C1QTNF3: variants seen among roughly 807,000 people sequenced by gnomAD.
C1QTNF3 encodes the protein complement C1q tumor necrosis factor-related protein 3.
In C1QTNF3, 26 loss-of-function variants were observed where a neutral mutation model predicts 32.6. That is an observed-to-expected ratio of 0.80 (90% CI 0.58 to 1.11). C1QTNF3 has a LOEUF of 1.11. Ranked by LOEUF, C1QTNF3 falls within the 50% of genes least tolerant of loss-of-function variation. The probability of loss-of-function intolerance (pLI) is 0.00; values close to 1 mark genes in which losing one functional copy is unlikely to be tolerated. For synonymous variants in C1QTNF3, 155 were observed against 146.0 expected, an observed-to-expected ratio of 1.06 and a Z score of -0.44; for missense variants, 362 against 398.2, an observed-to-expected ratio of 0.91 and a Z score of 0.77.
the C1QTNF3 span, among the ~76,000 whole-genome samples, chr5:34,078,724 C>CA: frequency 6.6e-6 from 1 of 151,620 alleles, no homozygotes; most frequent in African/African-American, 2.4e-5. The surrounding 1 kb of genome is among the most constrained non-coding windows in gnomAD (Gnocchi z 4.0). Context: ...GAACTGTAGG[C>CA]ACTCCCCTCT....
the C1QTNF3 span, among the ~76,000 whole-genome samples, chr5:34,111,663 T>G: frequency 1.3e-5 from 2 of 151,598 alleles, no homozygotes; most frequent in Non-Finnish European, 2.9e-5. Flanking sequence ...AGATTTCTTA[T>G]TAAAACTGAA....
intron 3 of C1QTNF3, among the ~76,000 whole-genome samples, chr5:34,029,778 G>T (rs1754564704): frequency 1.3e-5 from 2 of 152,164 alleles, no homozygotes; most frequent in East Asian, 3.9e-4. Flanking sequence ...TCAGAAAAAA[G>T]ATACTAATTT....
At chr5:34,224,173 C>T in the C1QTNF3 span, among the ~76,000 whole-genome samples, 1 of 152,162 alleles carries the variant, frequency 6.6e-6, no homozygotes, top group Non-Finnish European at 1.5e-5. Flanking sequence ...AATAGAAGAA[C>T]ATTCCATGCT....
the C1QTNF3 span, among the ~76,000 whole-genome samples, chr5:34,228,450 A>G: frequency 1.1e-4 from 16 of 150,292 alleles, no homozygotes; most frequent in Admixed American, 1.3e-4. Flanking sequence ...AAAAAAGTCA[A>G]TATCAGGCAC....
chr5:34,222,910 C>T, the C1QTNF3 span, among the ~76,000 whole-genome samples: 1 of 151,878 alleles, frequency 6.6e-6, no homozygotes, highest in African/African-American at 2.4e-5. Flanking sequence ...TATTATAATA[C>T]TAATGAGATT....
the C1QTNF3 span, among the ~76,000 whole-genome samples, chr5:34,231,046 T>G: frequency 6.6e-6 from 1 of 152,164 alleles, no homozygotes; most frequent in Non-Finnish European, 1.5e-5. Flanking sequence ...TTAACTCTCT[T>G]AAGCCATTCT....
At chr5:34,216,848 A>G in the C1QTNF3 span, among the ~76,000 whole-genome samples, 1 of 152,160 alleles carries the variant, frequency 6.6e-6, no homozygotes, top group Non-Finnish European at 1.5e-5. Flanking sequence ...TCAACTGCAG[A>G]GGTAATAATG....
chr5:34,096,680 G>C, the C1QTNF3 span, among the ~76,000 whole-genome samples: 1 of 148,308 alleles, frequency 6.7e-6, no homozygotes, highest in Non-Finnish European at 1.5e-5. Flanking sequence ...AAGATAGATG[G>C]GAAAAATTAA....
chr5:34,091,100 G>A, the C1QTNF3 span, among the ~76,000 whole-genome samples: 1 of 152,162 alleles, frequency 6.6e-6, no homozygotes, highest in African/African-American at 2.4e-5. Context: ...CTGTCCCAAA[G>A]GGGTTGATAG....
the C1QTNF3 span, among the ~76,000 whole-genome samples, chr5:34,140,375 TAGAG>T: frequency 2.0e-5 from 3 of 152,136 alleles, no homozygotes; most frequent in Non-Finnish European, 2.9e-5. Context: ...TCTGAGTTCT[TAGAG>T]AGGAAAGGAG....
chr5:34,175,243 C>G, the C1QTNF3 span, among the ~76,000 whole-genome samples: 1 of 151,676 alleles, frequency 6.6e-6, no homozygotes, highest in Non-Finnish European at 1.5e-5. Context: ...GGGGGTCCTC[C>G]TATGCTGAAC....
At chr5:34,053,752 C>A in the C1QTNF3 span, among the ~76,000 whole-genome samples, 1 of 152,138 alleles carries the variant, frequency 6.6e-6, no homozygotes. Flanking sequence ...AAGTAACATG[C>A]CCAAGGCAGT....
the C1QTNF3 span, among the ~76,000 whole-genome samples, chr5:34,093,888 T>C: frequency 5.9e-5 from 9 of 152,186 alleles, no homozygotes; most frequent in Admixed American, 5.2e-4. Context: ...ACCACACCCA[T>C]GTCTCCTTTC....
At chr5:34,043,343 C>G, upstream of C1QTNF3, 1 of 568,908 alleles carries the variant, frequency 1.8e-6, no homozygotes, top group East Asian at 2.9e-5. Context: ...ACACCACAAG[C>G]AAGAACGATT....
the C1QTNF3 span, among the ~76,000 whole-genome samples, chr5:34,124,986 T>C: frequency 6.6e-6 from 1 of 152,100 alleles, no homozygotes; most frequent in East Asian, 1.9e-4. Context: ...TGGACTCAAA[T>C]CTCTCAGCCT....
chr5:34,226,113 C>T, the C1QTNF3 span, among the ~76,000 whole-genome samples: 75 of 151,884 alleles, frequency 4.9e-4, no homozygotes, highest in East Asian at 2.9e-3. Flanking sequence ...TTTCCAAATC[C>T]GGGCCACAAG....
the C1QTNF3 span, among the ~76,000 whole-genome samples, chr5:34,062,368 T>A: frequency 6.6e-6 from 1 of 152,236 alleles, no homozygotes; most frequent in South Asian, 2.1e-4. Context: ...TTTTCCTTTG[T>A]AGGAATATGC....
chr5:34,068,530 G>T, the C1QTNF3 span, among the ~76,000 whole-genome samples: 1,815 of 149,640 alleles, frequency 0.012, 22 homozygotes, highest in East Asian at 0.039. Flanking sequence ...TACGTATATA[G>T]AGAGAGAGAG....
intron 3 of C1QTNF3, among the ~76,000 whole-genome samples, chr5:34,029,691 G>C (rs1221514615): frequency 6.6e-6 from 1 of 152,086 alleles, no homozygotes; most frequent in Non-Finnish European, 1.5e-5. Context: ...GGTCTTTCTT[G>C]GTAGAAGTTT....
Sources: gnomAD v4.1 joint callset for allele counts (sites outside exome capture counted in the v4.1 genomes callset) on GRCh38, gnomAD v4.1.1 for gene constraint, Gnocchi (gnomAD v3.1) non-coding constraint, MANE v1.5 for transcripts, NCBI Gene and HGNC (gene_info 2026-07-23, HGNC 2026-07-21) for gene names.